HYCC1: variants seen among roughly 807,000 people sequenced by gnomAD.
HYCC1 encodes hyccin PI4KA lipid kinase complex subunit 1.
At chr7:22,918,637 C>T in the HYCC1 span, among the ~76,000 whole-genome samples, 3 of 152,062 alleles carry the variant, frequency 2.0e-5, no homozygotes, top group Non-Finnish European at 4.4e-5. Flanking sequence ...TGAAAATGGC[C>T]GATTCCTGCC....
At chr7:22,996,233 C>T in the HYCC1 span, among the ~76,000 whole-genome samples, 5 of 147,928 alleles carry the variant, frequency 3.4e-5, no homozygotes, top group Admixed American at 1.4e-4. Context: ...GCAGAGGTTT[C>T]AGTGAGCCAG....
the HYCC1 span, among the ~76,000 whole-genome samples, chr7:22,954,136 G>T: frequency 2.8e-3 from 418 of 151,082 alleles, 3 homozygotes; most frequent in African/African-American, 9.8e-3. Context: ...TGTAAAATCA[G>T]ATTTACAAAA....
the HYCC1 span, chr7:22,964,346 C>A: frequency 1.1e-6 from 1 of 881,988 alleles, no homozygotes; most frequent in Non-Finnish European, 1.9e-6. Flanking sequence ...AATATAGTGA[C>A]AATAGATGAA....
At chr7:22,984,011 G>A in the HYCC1 span, 1 of 1,607,428 alleles carries the variant, frequency 6.2e-7, no homozygotes, top group Non-Finnish European at 8.5e-7. Flanking sequence ...TTTCAAATTT[G>A]TGGCATAATT....
the HYCC1 span, among the ~76,000 whole-genome samples, chr7:23,013,268 C>A: frequency 6.6e-6 from 1 of 152,174 alleles, no homozygotes; most frequent in Non-Finnish European, 1.5e-5. Context: ...GGGGCAAGGG[C>A]TCAAGAAGAG....
the HYCC1 span, among the ~76,000 whole-genome samples, chr7:22,968,447 T>C: frequency 6.6e-6 from 1 of 152,176 alleles, no homozygotes; most frequent in Admixed American, 6.5e-5. Context: ...ATAAGCAATC[T>C]ACCTCTGAGA....
At chr7:22,939,455 C>G in the HYCC1 span, 14 of 151,444 alleles carry the variant, frequency 9.2e-5, no homozygotes, top group Admixed American at 2.6e-4. Context: ...ATCAATCTGA[C>G]AGGAAAAAAA....
the HYCC1 span, among the ~76,000 whole-genome samples, chr7:22,953,983 C>T: frequency 1.3e-5 from 2 of 151,422 alleles, no homozygotes; most frequent in African/African-American, 2.4e-5. Context: ...TTTTTAATTG[C>T]CGATGTAAAA....
chr7:22,969,051 C>A, the HYCC1 span, among the ~76,000 whole-genome samples: 2 of 152,034 alleles, frequency 1.3e-5, no homozygotes, highest in African/African-American at 4.8e-5. Context: ...GTTCTTACCA[C>A]ATGGAAGAAG....
the HYCC1 span, among the ~76,000 whole-genome samples, chr7:22,972,634 G>T: frequency 1.4e-4 from 21 of 152,292 alleles, no homozygotes; most frequent in Middle Eastern, 3.4e-3. Context: ...TGTAGCATTG[G>T]TGAGTATATT....
At chr7:23,007,114 T>A in the HYCC1 span, among the ~76,000 whole-genome samples, 1 of 152,184 alleles carries the variant, frequency 6.6e-6, no homozygotes, top group South Asian at 2.1e-4. Flanking sequence ...TAGCAAAAGA[T>A]GACACATCAA....
chr7:22,950,851 A>C, the HYCC1 span, among the ~76,000 whole-genome samples: 2 of 151,846 alleles, frequency 1.3e-5, no homozygotes, highest in African/African-American at 4.8e-5. Context: ...CCCAGAACTT[A>C]ACAATCTATG....
chr7:22,929,856 G>A, the HYCC1 span, among the ~76,000 whole-genome samples: 2 of 152,108 alleles, frequency 1.3e-5, no homozygotes, highest in Non-Finnish European at 1.5e-5. Context: ...ATACCCAAAG[G>A]ATTATAAATC....
chr7:22,902,766 G>A, the HYCC1 span, among the ~76,000 whole-genome samples: 2 of 152,028 alleles, frequency 1.3e-5, no homozygotes, highest in South Asian at 4.2e-4. Flanking sequence ...CAAAAATTAA[G>A]GCAAACTGTA....
the HYCC1 span, among the ~76,000 whole-genome samples, chr7:22,993,171 T>C: frequency 6.6e-6 from 1 of 152,140 alleles, no homozygotes; most frequent in Non-Finnish European, 1.5e-5. Context: ...GCTAGGTTAT[T>C]TGGATAGCTA....
the HYCC1 span, among the ~76,000 whole-genome samples, chr7:22,907,104 C>CAAAAAAAAAAAAAAAAAAA: frequency 6.9e-5 from 3 of 43,550 alleles, no homozygotes; most frequent in African/African-American, 3.0e-4. Context: ...GACTCTATCT[C>CAAAAAAAAAAAAAAAAAAA]AAAAAAAAAA....
At chr7:22,969,113 G>A in the HYCC1 span, among the ~76,000 whole-genome samples, 4 of 152,212 alleles carry the variant, frequency 2.6e-5, no homozygotes, top group African/African-American at 9.6e-5. Flanking sequence ...GATGAGATGG[G>A]AGGGAATATC....
chr7:22,989,285 AACACACAC>A, the HYCC1 span, among the ~76,000 whole-genome samples: 329 of 148,686 alleles, frequency 2.2e-3, 1 homozygote, highest in African/African-American at 6.9e-3. Context: ...ACAAGCAGGA[AACACACAC>A]ACACACACAC....
the HYCC1 span, among the ~76,000 whole-genome samples, chr7:22,946,322 AT>A: frequency 6.6e-6 from 1 of 152,174 alleles, no homozygotes; most frequent in Non-Finnish European, 1.5e-5. Flanking sequence ...CAAAACATTT[AT>A]TATAAAATGT....
Sources: allele counts gnomAD v4.1 joint callset (sites outside exome capture counted in the v4.1 genomes callset), GRCh38; gene constraint gnomAD v4.1.1; transcripts MANE v1.5; gene names NCBI Gene and HGNC (gene_info 2026-07-23, HGNC 2026-07-21).